The following RHOU variants were observed in gnomAD, a reference collection of about 807,000 sequenced individuals.
RHOU encodes rho-related GTP-binding protein RhoU.
In RHOU, 8 loss-of-function variants were observed where a neutral mutation model predicts 12.6. The ratio of observed to expected loss-of-function variants is 0.64; its 90% CI spans 0.37 to 1.15. The LOEUF (loss-of-function observed/expected upper bound fraction) is 1.15, where lower values mean the gene tolerates loss of function less well. Ranked by LOEUF, RHOU falls within the 50% of genes most tolerant of loss-of-function variation. The pLI, the probability that RHOU is intolerant of heterozygous loss-of-function variation, is 0.01. For missense variants in RHOU, 258 were observed against 347.0 expected, an observed-to-expected ratio of 0.74 and a Z score of 2.04; for synonymous variants, 161 against 147.4, an observed-to-expected ratio of 1.09 and a Z score of -0.67.
the RHOU span, among the ~76,000 whole-genome samples, chr1:228,706,750 C>T: frequency 2.0e-5 from 3 of 151,868 alleles, no homozygotes; most frequent in Non-Finnish European, 4.4e-5. Flanking sequence ...AACTAGTTAT[C>T]GTTTGTTTAT....
At chr1:228,663,633 T>TTC in the RHOU span, among the ~76,000 whole-genome samples, 2 of 132,764 alleles carry the variant, frequency 1.5e-5, no homozygotes, top group Admixed American at 7.6e-5. Flanking sequence ...TTCTTTTTTT[T>TTC]TTTTTTTTTT....
chr1:228,656,944 T>C, the RHOU span, among the ~76,000 whole-genome samples: 2 of 151,892 alleles, frequency 1.3e-5, no homozygotes, highest in South Asian at 4.2e-4. Context: ...AGAGAGAAAT[T>C]TTAGATTAAA....
the RHOU span, among the ~76,000 whole-genome samples, chr1:228,702,533 C>G: frequency 2.0e-5 from 3 of 152,240 alleles, no homozygotes; most frequent in Middle Eastern, 6.8e-3. Context: ...CCAAGGTCAC[C>G]TGTCTGGACC....
At chr1:228,714,740 C>CATT in the RHOU span, among the ~76,000 whole-genome samples, 6 of 83,710 alleles carry the variant, frequency 7.2e-5, no homozygotes, top group South Asian at 1.7e-3. Context: ...TGTTAATTAT[C>CATT]TTTTTTTTTT....
At chr1:228,684,890 C>T in the RHOU span, among the ~76,000 whole-genome samples, 245 of 152,206 alleles carry the variant, frequency 1.6e-3, no homozygotes, top group Middle Eastern at 6.8e-3. Flanking sequence ...AGAAAGAATT[C>T]AGGACGAGTT....
rs1037289636 is a variant in RHOU at position 228,738,361 on chromosome 1, T to C, written c.321+630T>C. On this transcript the variant is annotated intron_variant, in intron 2 of 2. Transcript: ENST00000366691. This position sits in a 1 kb window ranked among gnomAD's most constrained non-coding sequence, Gnocchi z 4.2. ...CCTTGGAGGAAATAGCCAGGGAGTGTAGGGTTCCCTCTTTGTGTTCCCCAG... is the reference window on the plus strand; with the variant it reads ...CCTTGGAGGAAATAGCCAGGGAGTGCAGGGTTCCCTCTTTGTGTTCCCCAG... Among the ~76,000 whole-genome samples the C allele has an allele frequency of 6.6e-6, 1 of 152,178 alleles. No individual in the cohort carries two copies. The highest frequency in any genetic ancestry group is 2.4e-5 in the African/African-American group (1 of 41,442).
chr1:228,730,107 G>T, the RHOU span, among the ~76,000 whole-genome samples: 7 of 152,118 alleles, frequency 4.6e-5, no homozygotes, highest in African/African-American at 1.7e-4. Context: ...TGGTAAACAA[G>T]AAACTATTGG....
the RHOU span, among the ~76,000 whole-genome samples, chr1:228,690,842 T>C: frequency 6.6e-6 from 1 of 151,606 alleles, no homozygotes. Flanking sequence ...GGTCTCGAAC[T>C]CTTGACCTCA....
chr1:228,706,906 C>T, the RHOU span, among the ~76,000 whole-genome samples: 1 of 151,382 alleles, frequency 6.6e-6, no homozygotes, highest in South Asian at 2.1e-4. Context: ...GGTTTAGCTT[C>T]TTTTCAATTC....
chr1:228,669,083 T>C, the RHOU span, among the ~76,000 whole-genome samples: 3 of 152,176 alleles, frequency 2.0e-5, no homozygotes, highest in East Asian at 5.8e-4. Flanking sequence ...TGTGTGAAAC[T>C]TGACAACAGG....
the RHOU span, among the ~76,000 whole-genome samples, chr1:228,663,615 C>CTTTTT: frequency 2.3e-5 from 2 of 86,704 alleles, no homozygotes; most frequent in Admixed American, 1.2e-4. Flanking sequence ...CTTTTCTTTT[C>CTTTTT]TTTTCTTTTC....
chr1:228,663,880 G>T, the RHOU span, among the ~76,000 whole-genome samples: 1 of 150,390 alleles, frequency 6.6e-6, no homozygotes, highest in South Asian at 2.1e-4. Context: ...TGATCCACCC[G>T]CCTTGGCCTC....
At chr1:228,687,530 T>G in the RHOU span, 1 of 1,579,570 alleles carries the variant, frequency 6.3e-7, no homozygotes, top group Non-Finnish European at 8.6e-7. Context: ...TCCTTCAGGA[T>G]ATCAAGAAAC....
the RHOU span, among the ~76,000 whole-genome samples, chr1:228,680,370 G>T: frequency 4.6e-5 from 7 of 152,190 alleles, no homozygotes; most frequent in African/African-American, 1.7e-4. Context: ...TGGGCATTCT[G>T]AGGCCCAGTG....
chr1:228,707,253 A>AGTGTG, the RHOU span, among the ~76,000 whole-genome samples: 311 of 77,118 alleles, frequency 4.0e-3, no homozygotes, highest in East Asian at 7.2e-3. Context: ...ATATATATAT[A>AGTGTG]TAGTGTGTGT....
the RHOU span, among the ~76,000 whole-genome samples, chr1:228,709,875 G>A: frequency 6.6e-6 from 1 of 152,004 alleles, no homozygotes; most frequent in Non-Finnish European, 1.5e-5. Flanking sequence ...CCAGGAGCTG[G>A]TTTTTTGAAA....
At chr1:228,707,252 TATA>T in the RHOU span, among the ~76,000 whole-genome samples, 41 of 77,134 alleles carry the variant, frequency 5.3e-4, no homozygotes, top group Middle Eastern at 8.3e-3. Context: ...TATATATATA[TATA>T]GTGTGTGTGT....
At chr1:228,665,053 A>G in the RHOU span, among the ~76,000 whole-genome samples, 2 of 152,192 alleles carry the variant, frequency 1.3e-5, no homozygotes, top group Non-Finnish European at 2.9e-5. Context: ...GATAGGTACT[A>G]TTTTATTTTC....
the RHOU span, among the ~76,000 whole-genome samples, chr1:228,652,212 G>A: frequency 1.3e-5 from 2 of 152,240 alleles, no homozygotes; most frequent in East Asian, 1.9e-4. Context: ...GGTACTTGCT[G>A]TGTATCCTGG....
Sources: gnomAD v4.1 joint callset for allele counts (sites outside exome capture counted in the v4.1 genomes callset) on GRCh38, gnomAD v4.1.1 for gene constraint, Gnocchi (gnomAD v3.1) non-coding constraint, MANE v1.5 for transcripts, NCBI Gene and HGNC (gene_info 2026-07-23, HGNC 2026-07-21) for gene names.